VPS50: variants seen among roughly 807,000 people sequenced by gnomAD.
The protein encoded by VPS50 is VPS50 subunit of EARP/GARPII complex.
In VPS50, 70 loss-of-function variants were observed where a neutral mutation model predicts 139.7. The observed-to-expected ratio is 0.50, with a 90% CI of 0.41 to 0.61. The LOEUF is 0.61. VPS50 is among the 20% of genes least tolerant of loss of function. The pLI, the probability that VPS50 is intolerant of heterozygous loss-of-function variation, is 0.00. For missense variants in VPS50, 921 were observed against 1,133.7 expected (o/e 0.81, Z 2.69); for synonymous variants, 365 against 376.7 (o/e 0.97, Z 0.36).
At chr7:93,318,358 T>G (rs1797492539) in intron 20 of VPS50, among the ~76,000 whole-genome samples, 1 of 152,130 alleles carries the variant, frequency 6.6e-6, no homozygotes, top group South Asian at 2.1e-4. Flanking sequence ...ACTTGTTGAT[T>G]TTTTACTCTG....
intron 9 of VPS50, among the ~76,000 whole-genome samples, chr7:93,261,677 CAAAAAAAAAA>C (rs71107890): frequency 8.0e-5 from 5 of 62,196 alleles, no homozygotes; most frequent in Non-Finnish European, 6.2e-5. Context: ...GACTCCGTCT[CAAAAAAAAAA>C]AAAAAAAAAA....
intron 13 of VPS50, among the ~76,000 whole-genome samples, chr7:93,292,131 C>A (rs1179931993): frequency 1.3e-5 from 2 of 151,910 alleles, no homozygotes; most frequent in Admixed American, 6.6e-5. Flanking sequence ...TTATTAGTTG[C>A]AAACTAGATA....
chr7:93,236,296 T>C (rs1452950559), intron 1 of VPS50, among the ~76,000 whole-genome samples: 1 of 152,132 alleles, frequency 6.6e-6, no homozygotes, highest in Non-Finnish European at 1.5e-5. Context: ...GAGGAAAGCC[T>C]GATTAGAGTG....
chr7:93,243,135 A>C (rs1055492781), intron 2 of VPS50, among the ~76,000 whole-genome samples: 1 of 152,010 alleles, frequency 6.6e-6, no homozygotes, highest in Non-Finnish European at 1.5e-5. Context: ...ATGGTAATCT[A>C]TATACTGGAA....
At chr7:93,342,858 T>G (rs910625052) in intron 23 of VPS50, among the ~76,000 whole-genome samples, 1 of 151,780 alleles carries the variant, frequency 6.6e-6, no homozygotes, top group African/African-American at 2.4e-5. Flanking sequence ...AGACCAAAAG[T>G]AGATAAAACC....
At chr7:93,309,894 TTTAACCC>T (rs1797217726) in intron 19 of VPS50, among the ~76,000 whole-genome samples, 1 of 152,012 alleles carries the variant, frequency 6.6e-6, no homozygotes, top group Non-Finnish European at 1.5e-5. Flanking sequence ...ATTCTTATCG[TTTAACCC>T]TAAGCTACCT....
At chr7:93,337,096 G>A (rs926988914) in intron 22 of VPS50, among the ~76,000 whole-genome samples, 3 of 152,118 alleles carry the variant, frequency 2.0e-5, no homozygotes, top group Non-Finnish European at 4.4e-5. Context: ...TGACATTTTC[G>A]TGACTCTCTT....
Position 93,272,626 on chromosome 7 carries a change from A to T in VPS50, c.703-9A>T. On this transcript the variant is annotated splice_polypyrimidine_tract_variant and intron_variant, in intron 10 of 27. Transcript: ENST00000305866. The stretch of plus-strand genomic sequence containing the variant: ...TAACCATGTCTTGCTTCTTCTTTTA[A>T]TTATATAGGAACAGCTGGACGTAGC... 1 of 1,283,870 alleles carries T rather than the reference A, an allele frequency of 7.8e-7. No individual in the cohort carries two copies. The highest frequency in any genetic ancestry group is 1.1e-6 in the Non-Finnish European group (1 of 915,222). The allele number at this position is 1,283,870 out of a possible 1,614,324, so 79.5% of individuals were successfully genotyped here.
chr7:93,294,210 G>C (rs1412692972), intron 13 of VPS50, among the ~76,000 whole-genome samples: 1 of 152,052 alleles, frequency 6.6e-6, no homozygotes, highest in Non-Finnish European at 1.5e-5. Flanking sequence ...GTCCTGTAAT[G>C]CCCTTCTCAC....
intron 20 of VPS50, among the ~76,000 whole-genome samples, chr7:93,322,411 A>C (rs921042717): frequency 7.9e-5 from 12 of 151,936 alleles, no homozygotes; most frequent in African/African-American, 2.4e-4. Flanking sequence ...CATCCTGGCT[A>C]ACACGGTGAA....
intron 20 of VPS50, among the ~76,000 whole-genome samples, chr7:93,313,164 G>A (rs1041637529): frequency 1.3e-5 from 2 of 152,134 alleles, no homozygotes; most frequent in African/African-American, 4.8e-5. Flanking sequence ...TGAAGCTTCT[G>A]CTTCCATGTG....
At chr7:93,348,122 G>C (rs1384181417) in intron 23 of VPS50, among the ~76,000 whole-genome samples, 1 of 152,062 alleles carries the variant, frequency 6.6e-6, no homozygotes, top group Non-Finnish European at 1.5e-5. Context: ...GCATTAGTAA[G>C]AAAAAGCAGA....
intron 1 of VPS50, among the ~76,000 whole-genome samples, chr7:93,233,112 ATCTTT>A (rs1196193999): frequency 6.6e-6 from 1 of 152,152 alleles, no homozygotes; most frequent in Non-Finnish European, 1.5e-5. Context: ...CAAAATACTG[ATCTTT>A]TCTTTTTTTT....
At chr7:93,310,179 A>C (rs866729296) in intron 19 of VPS50, among the ~76,000 whole-genome samples, 16 of 152,040 alleles carry the variant, frequency 1.1e-4, no homozygotes, top group Admixed American at 2.0e-4. Context: ...CTGCCAGTAC[A>C]TGTGTATATA....
In VPS50 at chr7:93,358,722, C is replaced by A; in HGVS notation, c.*286C>A. 4.3e-6 allele frequency: 1 copy of A among 233,258 alleles called. No homozygotes were observed. The highest frequency in any genetic ancestry group is 4.9e-5 in the Admixed American group (1 of 20,206). 14.4% of individuals were successfully genotyped at this position (233,258 alleles called of 1,614,324 possible). A position where few individuals can be genotyped will look rare whatever the true frequency, so the allele number is the denominator to read the frequency against. On this transcript the variant is annotated 3_prime_UTR_variant, in exon 28 of 28. Transcript: ENST00000305866. ...GTTATACATTTTACAGAAGAATGTA[C>A]CATAAGTATATAATTAGAAGAACAG...
intron 22 of VPS50, among the ~76,000 whole-genome samples, chr7:93,334,715 T>C (rs150760202): frequency 2.8e-3 from 430 of 152,306 alleles, no homozygotes; most frequent in Non-Finnish European, 4.7e-3. Flanking sequence ...TGCTGTGTAG[T>C]AGGGAGCCTG....
chr7:93,322,721 T>G (rs991002649), intron 20 of VPS50, among the ~76,000 whole-genome samples: 1 of 152,188 alleles, frequency 6.6e-6, no homozygotes, highest in Admixed American at 6.5e-5. Context: ...TTTTAAGATC[T>G]TCTGTAGAAG....
intron 12 of VPS50, among the ~76,000 whole-genome samples, chr7:93,284,087 T>G (rs1324694221): frequency 6.6e-6 from 1 of 152,092 alleles, no homozygotes; most frequent in Non-Finnish European, 1.5e-5. Context: ...TGCTGGATGA[T>G]TTTTTTAGGG....
At chr7:93,327,669 G>A (rs1276693118) in intron 21 of VPS50, among the ~76,000 whole-genome samples, 1 of 152,064 alleles carries the variant, frequency 6.6e-6, no homozygotes, top group Non-Finnish European at 1.5e-5. Context: ...GCACAAATAG[G>A]CACATGCGGG....
Sources: gnomAD v4.1 joint callset for allele counts (sites outside exome capture counted in the v4.1 genomes callset) on GRCh38, gnomAD v4.1.1 for gene constraint, MANE v1.5 for transcripts, NCBI Gene and HGNC (gene_info 2026-07-23, HGNC 2026-07-21) for gene names.